The following SUPT3H variants were observed in gnomAD, a reference collection of about 807,000 sequenced individuals.
The protein encoded by SUPT3H is SPT3 homolog, SAGA and STAGA complex component, also known as transcription initiation protein SPT3 homolog.
A neutral mutation model predicts 44.3 loss-of-function variants in SUPT3H; 44 were observed. That is an observed-to-expected ratio of 0.99 (90% CI 0.78 to 1.28). SUPT3H has a LOEUF of 1.28. Among genes scored for constraint, SUPT3H ranks in the 50% most tolerant of loss-of-function variants. SUPT3H has a pLI of 0.00. For missense variants in SUPT3H, 380 were observed against 387.1 expected (o/e 0.98, Z 0.15); for synonymous variants, 124 against 125.6 (o/e 0.99, Z 0.09).
Position 44,829,533 on chromosome 6 carries a change from T to TATA in SUPT3H, c.*282_*283insTAT, listed in dbSNP as rs1768239693. 1.3e-5 allele frequency: 4 copies of TATA among 310,910 alleles called. No homozygotes were observed. Among genetic ancestry groups the TATA allele is most frequent in the Admixed American group, 9.9e-5 (2 of 20,276 alleles). The allele number at this position is 310,910 out of a possible 1,614,324, so 19.3% of individuals were successfully genotyped here. A position where few individuals can be genotyped will look rare whatever the true frequency, so the allele number is the denominator to read the frequency against. On this transcript the variant is annotated 3_prime_UTR_variant, in exon 11 of 11. Transcript: ENST00000371459. ...AGGTATGTGAGCTGAGGGCAGTAAA[T>TATA]CTACTCAAATTAAAATTTCAAAACT...
intron 2 of SUPT3H, among the ~76,000 whole-genome samples, chr6:45,287,642 G>A (rs1779540111): frequency 6.6e-6 from 1 of 152,128 alleles, no homozygotes; most frequent in African/African-American, 2.4e-5. Context: ...TTTAATGGTT[G>A]CCAAATTTCA....
At chr6:45,343,788 T>G (rs1790306835) in intron 2 of SUPT3H, among the ~76,000 whole-genome samples, 1 of 152,278 alleles carries the variant, frequency 6.6e-6, no homozygotes, top group Admixed American at 6.5e-5. Flanking sequence ...CACAGAAGTT[T>G]GTGAGGCATG....
chr6:45,327,127 C>A (rs944327541), intron 2 of SUPT3H, among the ~76,000 whole-genome samples: 1 of 151,682 alleles, frequency 6.6e-6, no homozygotes, highest in Non-Finnish European at 1.5e-5. Flanking sequence ...TCCAAAGGGG[C>A]AAAAAAGGAG....
intron 2 of SUPT3H, among the ~76,000 whole-genome samples, chr6:45,300,427 C>G (rs1310322654): frequency 6.6e-6 from 1 of 152,116 alleles, no homozygotes; most frequent in Non-Finnish European, 1.5e-5. Flanking sequence ...AAATAACAAG[C>G]ATTGGTGAGC....
chr6:44,845,223 G>A (rs185633621), intron 10 of SUPT3H, among the ~76,000 whole-genome samples: 2 of 152,272 alleles, frequency 1.3e-5, no homozygotes, highest in East Asian at 1.9e-4. Flanking sequence ...AGACACTGGG[G>A]TAGAAACTGA....
At position 45,374,342 on chromosome 6, in the gene SUPT3H, CAT is replaced by C. The variant is rs548398817; in HGVS notation, c.-1+3424_-1+3425del. Among the ~76,000 whole-genome samples the C allele has an allele frequency of 2.8e-3, 426 of 152,302 alleles. 1 individual carries two copies. Among genetic ancestry groups the C allele is most frequent in the African/African-American group, 8.0e-3 (332 of 41,568 alleles). On this transcript the variant is annotated intron_variant, in intron 1 of 10. Transcript: ENST00000371459. ...TTACTGAACTGCACACAACCCATCA[CAT>C]GAGTTATTTAAATTAACCTCTTATG...
chr6:45,018,005 A>G (rs1386162807), intron 4 of SUPT3H, among the ~76,000 whole-genome samples: 2 of 151,526 alleles, frequency 1.3e-5, no homozygotes, highest in Non-Finnish European at 2.9e-5. Flanking sequence ...ATTTGTTTGT[A>G]TCCTCTTTTA....
At chr6:45,219,823 G>A (rs1029928549) in intron 2 of SUPT3H, among the ~76,000 whole-genome samples, 8 of 151,728 alleles carry the variant, frequency 5.3e-5, no homozygotes, top group Non-Finnish European at 8.8e-5. Context: ...GGTGGATCAC[G>A]AGGTCAGGAG....
At chr6:45,288,765 T>C (rs1041294952) in intron 2 of SUPT3H, among the ~76,000 whole-genome samples, 1 of 151,724 alleles carries the variant, frequency 6.6e-6, no homozygotes, top group South Asian at 2.1e-4. Context: ...AGACAAACCA[T>C]TACCATTATA....
chr6:44,905,368 C>A (rs889514557), intron 10 of SUPT3H, among the ~76,000 whole-genome samples: 78 of 152,112 alleles, frequency 5.1e-4, no homozygotes, highest in African/African-American at 1.7e-3. Context: ...AGGATACGAA[C>A]AGACACTTCT....
chr6:45,230,660 G>GCCTATATAGATATATATA, intron 2 of SUPT3H, among the ~76,000 whole-genome samples: 1 of 51,180 alleles, frequency 2.0e-5, no homozygotes, highest in South Asian at 9.7e-4. Context: ...AATTCATTCA[G>GCCTATATAGATATATATA]TCTATATATA....
intron 3 of SUPT3H, 72 bp downstream of exon 3, chr6:45,105,850 A>T: frequency 8.5e-7 from 1 of 1,177,002 alleles, no homozygotes; most frequent in Non-Finnish European, 1.2e-6. Context: ...AAATGTTTTT[A>T]AAGTGTTGGG....
intron 3 of SUPT3H, among the ~76,000 whole-genome samples, chr6:45,040,273 T>TCCA: frequency 6.6e-6 from 1 of 152,310 alleles, no homozygotes; most frequent in Non-Finnish European, 1.5e-5. Context: ...GGGCTGTAGT[T>TCCA]TGCTGACCCC....
intron 2 of SUPT3H, among the ~76,000 whole-genome samples, chr6:45,220,626 A>C (rs1765874682): frequency 6.6e-6 from 1 of 152,214 alleles, no homozygotes; most frequent in Non-Finnish European, 1.5e-5. Context: ...GGAAACAAAC[A>C]AAATATAACT....
intron 6 of SUPT3H, among the ~76,000 whole-genome samples, chr6:44,995,170 C>T (rs972657569): frequency 2.0e-5 from 3 of 151,672 alleles, no homozygotes; most frequent in African/African-American, 7.3e-5. Context: ...ATTTAAAGGA[C>T]TAAAAATAAA....
intron 2 of SUPT3H, among the ~76,000 whole-genome samples, chr6:45,115,693 A>C (rs1318435106): frequency 2.0e-5 from 3 of 152,184 alleles, no homozygotes; most frequent in Non-Finnish European, 4.4e-5. Flanking sequence ...CAAGTTCTTC[A>C]GTTTCTAACA....
At chr6:45,323,465 T>A (rs1033717344) in intron 2 of SUPT3H, among the ~76,000 whole-genome samples, 4 of 151,974 alleles carry the variant, frequency 2.6e-5, no homozygotes, top group Non-Finnish European at 5.9e-5. Context: ...GTAAAGCACA[T>A]AGACTGATAG....
chr6:44,862,677 CA>C (rs3997535), intron 10 of SUPT3H, among the ~76,000 whole-genome samples: 7 of 138,684 alleles, frequency 5.0e-5, no homozygotes, highest in African/African-American at 1.1e-4. Flanking sequence ...AACTCTGTAT[CA>C]AAAAAAAAAA....
At chr6:45,374,332 C>T (rs917647179) in intron 1 of SUPT3H, among the ~76,000 whole-genome samples, 1 of 152,258 alleles carries the variant, frequency 6.6e-6, no homozygotes, top group Middle Eastern at 3.4e-3. Flanking sequence ...GAACTGCACA[C>T]AACCCATCAC....
Sources: allele counts gnomAD v4.1 joint callset (sites outside exome capture counted in the v4.1 genomes callset), GRCh38; gene constraint gnomAD v4.1.1; transcripts MANE v1.5; gene names NCBI Gene and HGNC (gene_info 2026-07-23, HGNC 2026-07-21).